The following OPCML variants were observed in gnomAD, a reference collection of about 807,000 sequenced individuals.
OPCML encodes opioid-binding protein/cell adhesion molecule.
OPCML carries 13 observed loss-of-function variants against 37.8 expected under a neutral mutation model. The observed-to-expected ratio is 0.34, with a 90% CI of 0.22 to 0.55. The LOEUF (loss-of-function observed/expected upper bound fraction) is 0.55, where lower values mean the gene tolerates loss of function less well. OPCML is among the 20% of genes least tolerant of loss of function. The pLI is 0.91. For synonymous variants in OPCML, 176 were observed against 168.8 expected (o/e 1.04, Z -0.33); for missense variants, 341 against 435.6 (o/e 0.78, Z 1.93).
chr11:133,167,241 T>C (rs562301371), intron 1 of OPCML, among the ~76,000 whole-genome samples: 129 of 152,300 alleles, frequency 8.5e-4, no homozygotes, highest in Non-Finnish European at 1.3e-3. Context: ...CTCATCATCA[T>C]CATTATTATT....
rs578083623 is a variant in OPCML, at chr11:132,819,430, T to G, written c.146+123496A>C. Among the ~76,000 whole-genome samples, 378 of 151,712 alleles carry G rather than the reference T, an allele frequency of 2.5e-3. 1 individual carries two copies. Among genetic ancestry groups the G allele is most frequent in the African/African-American group, 8.8e-3 (364 of 41,422 alleles). On this transcript the variant is annotated intron_variant, in intron 2 of 7. Transcript: ENST00000524381. The stretch of plus-strand genomic sequence containing the variant: ...AAATGAAGAATTTTAACAGAGTGTT[T>G]GAATTTATTTTTAAAAAATTGCATA...
At chr11:132,989,000 A>C (rs558248062) in intron 1 of OPCML, among the ~76,000 whole-genome samples, 35 of 152,340 alleles carry the variant, frequency 2.3e-4, no homozygotes, top group African/African-American at 7.9e-4. Flanking sequence ...CATTTTACCC[A>C]AACTCCATTG....
intron 1 of OPCML, among the ~76,000 whole-genome samples, chr11:133,273,697 G>A (rs1188301691): frequency 1.3e-5 from 2 of 152,164 alleles, no homozygotes; most frequent in Non-Finnish European, 2.9e-5. Context: ...CAGGAAGAAG[G>A]AGCCCTCTTG....
At chr11:132,903,018 C>T (rs922682446) in intron 2 of OPCML, among the ~76,000 whole-genome samples, 1 of 152,216 alleles carries the variant, frequency 6.6e-6, no homozygotes, top group Admixed American at 6.5e-5. Flanking sequence ...TTCTTGGGCT[C>T]ATTCATTTCC....
chr11:133,063,209 G>A (rs772772802), intron 1 of OPCML, among the ~76,000 whole-genome samples: 23 of 152,194 alleles, frequency 1.5e-4, no homozygotes, highest in Non-Finnish European at 1.0e-4. Context: ...TACAGGCTCC[G>A]AGTGAGAACA....
At chr11:132,759,854 T>C (rs1198759443) in intron 2 of OPCML, among the ~76,000 whole-genome samples, 1 of 152,176 alleles carries the variant, frequency 6.6e-6, no homozygotes, top group Non-Finnish European at 1.5e-5. Flanking sequence ...GGAATTTGTT[T>C]GCTCTTGCTT....
chr11:133,064,310 G>C (rs558680810), intron 1 of OPCML, among the ~76,000 whole-genome samples: 5 of 152,332 alleles, frequency 3.3e-5, no homozygotes, highest in African/African-American at 1.2e-4. Context: ...GTCTCCCCTC[G>C]CTGGGCAGCC....
intron 1 of OPCML, among the ~76,000 whole-genome samples, chr11:132,963,197 C>T (rs545476347): frequency 9.9e-5 from 15 of 152,012 alleles, no homozygotes; most frequent in East Asian, 1.9e-4. Flanking sequence ...TGTGTGTTAA[C>T]GCTAACATCT....
intron 1 of OPCML, among the ~76,000 whole-genome samples, chr11:133,305,339 A>G (rs1040834837): frequency 2.0e-5 from 3 of 152,166 alleles, no homozygotes; most frequent in Non-Finnish European, 4.4e-5. Flanking sequence ...CTGGAAAAGG[A>G]TGACTGACTC....
intron 1 of OPCML, among the ~76,000 whole-genome samples, chr11:133,263,572 T>C (rs1941559124): frequency 6.6e-6 from 1 of 152,184 alleles, no homozygotes; most frequent in Non-Finnish European, 1.5e-5. Context: ...TGTCCAACAG[T>C]GCATTTCTTG....
chr11:133,260,058 G>A (rs898614486), intron 1 of OPCML, among the ~76,000 whole-genome samples: 3 of 151,946 alleles, frequency 2.0e-5, no homozygotes, highest in Non-Finnish European at 2.9e-5. Context: ...TTAGGGATAC[G>A]ATTTTATGTA....
intron 2 of OPCML, among the ~76,000 whole-genome samples, chr11:132,694,361 G>A (rs1406142437): frequency 6.6e-6 from 1 of 151,954 alleles, no homozygotes; most frequent in Non-Finnish European, 1.5e-5. Context: ...ACCACGCCCG[G>A]CTAATTTTTT....
chr11:132,910,479 T>C (rs1944392250), intron 2 of OPCML, among the ~76,000 whole-genome samples: 1 of 152,212 alleles, frequency 6.6e-6, no homozygotes, highest in Non-Finnish European at 1.5e-5. Context: ...TTCCAAAATC[T>C]TCACATAGGG....
intron 1 of OPCML, among the ~76,000 whole-genome samples, chr11:133,020,293 G>C (rs1947426274): frequency 6.6e-6 from 1 of 152,188 alleles, no homozygotes; most frequent in African/African-American, 2.4e-5. Context: ...GCAATGGATT[G>C]CAAGCCCGCC....
rs547341040 is a variant in OPCML at position 133,331,828 on chromosome 11, A to T, written c.61+200436T>A. 2.6e-5 allele frequency among the ~76,000 whole-genome samples: 4 copies of T among 152,230 alleles called. No homozygotes were observed. In the South Asian group the frequency reaches 6.2e-4, roughly 24 times the overall value. ...TTTTTCCTGTATTTGATTTACATTTATAAAAACCTACAGAAAGTATGGCCA... is the reference window on the plus strand; with the variant it reads ...TTTTTCCTGTATTTGATTTACATTTTTAAAAACCTACAGAAAGTATGGCCA... On this transcript the variant is annotated intron_variant, in intron 1 of 7. Coordinates refer to ENST00000524381, the MANE Select transcript of OPCML (RefSeq NM_001012393.5).
chr11:132,912,281 A>T (rs1944451624), intron 2 of OPCML, among the ~76,000 whole-genome samples: 1 of 152,240 alleles, frequency 6.6e-6, no homozygotes. Context: ...AAATATTTAT[A>T]TAGTATAGTA....
intron 1 of OPCML, among the ~76,000 whole-genome samples, chr11:133,078,845 A>G (rs1948664845): frequency 6.6e-6 from 1 of 152,116 alleles, no homozygotes; most frequent in South Asian, 2.1e-4. Flanking sequence ...ACCGCCCCCA[A>G]CTACCACCTT....
intron 1 of OPCML, among the ~76,000 whole-genome samples, chr11:133,194,489 C>T (rs1331994399): frequency 6.6e-6 from 1 of 152,132 alleles, no homozygotes; most frequent in East Asian, 1.9e-4. Context: ...GGATTACAGG[C>T]ATGAGCCACT....
intron 3 of OPCML, among the ~76,000 whole-genome samples, chr11:132,539,411 G>T (rs536078955): frequency 6.6e-6 from 1 of 152,206 alleles, no homozygotes; most frequent in Non-Finnish European, 1.5e-5. Flanking sequence ...GGCTGAAAGC[G>T]CAGGTAGAGC....
Sources: allele counts gnomAD v4.1 joint callset (sites outside exome capture counted in the v4.1 genomes callset), GRCh38; gene constraint gnomAD v4.1.1; transcripts MANE v1.5; gene names NCBI Gene and HGNC (gene_info 2026-07-23, HGNC 2026-07-21).